The following LARP6 variants were observed in gnomAD, a reference collection of about 807,000 sequenced individuals.
The protein encoded by LARP6 is La ribonucleoprotein 6, translational regulator.
LARP6 carries 18 observed loss-of-function variants against 32.8 expected under a neutral mutation model. That is an observed-to-expected ratio of 0.55 (90% CI 0.38 to 0.81). The LOEUF is 0.81. Ranked by LOEUF, LARP6 falls within the 40% of genes least tolerant of loss-of-function variation. The pLI, the probability that LARP6 is intolerant of heterozygous loss-of-function variation, is 0.00. For missense variants in LARP6, 598 were observed against 663.1 expected, an observed-to-expected ratio of 0.90 and a Z score of 1.08; for synonymous variants, 289 against 267.2, an observed-to-expected ratio of 1.08 and a Z score of -0.80.
chr15:70,833,242 AATC>A, intron 2 of LARP6, 126 bp from the exon 3 acceptor site: 2 of 732,846 alleles, frequency 2.7e-6, no homozygotes, highest in Non-Finnish European at 4.6e-6. Flanking sequence ...TAGTGTCTAG[AATC>A]ATACGTGGTA....
At position 70,836,275 on chromosome 15, in the gene LARP6, T is replaced by G; in HGVS notation, c.411+20A>C. ...ACAAACTTGAAATCCTTGAAGCAGC[T>G]TCTGAGAACCAAGCCTCACCTTTTT... On this transcript the variant is annotated intron_variant, in intron 2 of 2. Coordinates refer to ENST00000299213, the MANE Select transcript of LARP6 (RefSeq NM_018357.4). 2 of 1,607,480 alleles carry G rather than the reference T, an allele frequency of 1.2e-6. No individual in the cohort carries two copies. The highest frequency in any genetic ancestry group is 1.7e-6 in the Non-Finnish European group (2 of 1,174,134).
At chr15:70,853,690 C>A (rs1022609839) in intron 1 of LARP6, among the ~76,000 whole-genome samples, 199 bp downstream of exon 1, 1 of 152,108 alleles carries the variant, frequency 6.6e-6, no homozygotes, top group Admixed American at 6.5e-5. Context: ...GGTTGGGCGA[C>A]GAAGCTGCGG....
chr15:70,851,780 C>A (rs1437066955), intron 1 of LARP6: 3 of 1,608,882 alleles, frequency 1.9e-6, no homozygotes, highest in Non-Finnish European at 2.6e-6. Context: ...ATAAAATGTA[C>A]AGAGTACTAC....
intron 1 of LARP6, chr15:70,852,386 G>T: frequency 2.4e-6 from 1 of 419,066 alleles, no homozygotes; most frequent in Non-Finnish European, 4.8e-6. Context: ...ACTGAGGCTT[G>T]GTTTCTCCTA....
At position 70,853,981 on chromosome 15, in the gene LARP6, C is replaced by G; in HGVS notation, c.108G>C (p.Glu36Asp). 1.4e-6 allele frequency: 2 copies of G among 1,462,394 alleles called. No individual in the cohort carries two copies. The highest frequency in any genetic ancestry group is 1.8e-6 in the Non-Finnish European group (2 of 1,101,942). 90.6% of individuals were successfully genotyped at this position (1,462,394 alleles called of 1,614,324 possible). ...EDVDELEDEE[E>D]GAETRGAGDP... is the part of the protein sequence containing the mutation. The stretch of plus-strand genomic sequence containing the variant: ...CCCCGGCGCCCCGAGTCTCCGCCCC[C>G]TCCTCCTCGTCCTCCAACTCGTCCA... The change falls in exon 1 of 3, where the codon GAG becomes GAC. Residue 36 changes from glutamate (E) to aspartate (D), a missense_variant. By Grantham distance (45) the Glu-to-Asp change is conservative. Coordinates refer to ENST00000299213, the MANE Select transcript of LARP6 (RefSeq NM_018357.4).
intron 1 of LARP6, among the ~76,000 whole-genome samples, chr15:70,842,441 A>G (rs1483547290): frequency 6.6e-6 from 1 of 152,126 alleles, no homozygotes; most frequent in Non-Finnish European, 1.5e-5. Flanking sequence ...CTATAAGCTC[A>G]TCAAATTCAA....
chr15:70,851,116 T>G (rs1169493728), intron 1 of LARP6, among the ~76,000 whole-genome samples: 1 of 152,214 alleles, frequency 6.6e-6, no homozygotes, highest in African/African-American at 2.4e-5. Context: ...GAATGATAGT[T>G]AATTTTCTCA....
At chr15:70,850,273 T>C (rs1228329260) in intron 1 of LARP6, among the ~76,000 whole-genome samples, 1 of 152,226 alleles carries the variant, frequency 6.6e-6, no homozygotes, top group East Asian at 1.9e-4. Context: ...TGAATTCTAC[T>C]AAACATTTAA....
Position 70,832,802 on chromosome 15 carries a change from G to A in LARP6, c.726C>T (p.Asp242=). The A allele has an allele frequency of 6.2e-7, 1 of 1,612,326 alleles. No homozygotes were observed. Among genetic ancestry groups the A allele is most frequent in the Non-Finnish European group, 8.5e-7 (1 of 1,179,350 alleles). The change falls in exon 3 of 3, where the codon GAC becomes GAT. Residue 242 remains aspartate (D), a synonymous_variant. Coordinates refer to ENST00000299213, the MANE Select transcript of LARP6 (RefSeq NM_018357.4). ...TGTAGCGGCTGCTGATCCTCCGGATGTCAGGGGGCAGCTCTCTCCCAGGTT... is the reference window on the plus strand; with the variant it reads ...TGTAGCGGCTGCTGATCCTCCGGATATCAGGGGGCAGCTCTCTCCCAGGTT... ...ILKPGRELPP[D]IRRISSRYSQ... is the part of the protein sequence containing the mutation.
intron 1 of LARP6, chr15:70,853,204 AC>A (rs2032525529): frequency 7.0e-6 from 1 of 143,094 alleles, no homozygotes; most frequent in Admixed American, 7.0e-5. Context: ...ACTACCCAAA[AC>A]CCAGGAACAC....
chr15:70,835,494 C>T (rs1305853973), intron 2 of LARP6, among the ~76,000 whole-genome samples: 1 of 152,190 alleles, frequency 6.6e-6, no homozygotes, highest in Non-Finnish European at 1.5e-5. Flanking sequence ...CAGAGTACAC[C>T]AGTGGGTGAG....
rs2031996785 is a variant in LARP6 at position 70,829,165 on chromosome 15, G to C, written c.*2887C>G. 6.6e-6 allele frequency: 1 copy of C among 151,714 alleles called. No homozygotes were observed. The highest frequency in any genetic ancestry group is 1.5e-5 in the Non-Finnish European group (1 of 67,992). The allele number at this position is 151,714 out of a possible 1,614,324, so 9.4% of individuals were successfully genotyped here. ...TTTATTTTTATTTTTTTGAGATGGA[G>C]TCTCATTCTGTTGCCCAGGCTGGAA... On this transcript the variant is annotated 3_prime_UTR_variant, in exon 3 of 3. Transcript: ENST00000299213.
At chr15:70,851,859 C>T (rs763096954) in intron 1 of LARP6, 43 of 1,414,018 alleles carry the variant, frequency 3.0e-5, no homozygotes, top group Admixed American at 2.3e-4. Flanking sequence ...GAAGAGGCAG[C>T]GAAGTTTTAA....
intron 1 of LARP6, among the ~76,000 whole-genome samples, chr15:70,837,372 G>C (rs2032166632): frequency 6.6e-6 from 1 of 152,120 alleles, no homozygotes; most frequent in Non-Finnish European, 1.5e-5. Context: ...GACACAGTGA[G>C]ACCCTGTCTC....
At chr15:70,850,734 G>C (rs1048660822) in intron 1 of LARP6, among the ~76,000 whole-genome samples, 3 of 152,160 alleles carry the variant, frequency 2.0e-5, no homozygotes, top group African/African-American at 7.2e-5. Context: ...AGAGTATGAG[G>C]CATTCTTGAC....
At chr15:70,837,304 A>G (rs930338810) in intron 1 of LARP6, among the ~76,000 whole-genome samples, 1 of 151,876 alleles carries the variant, frequency 6.6e-6, no homozygotes, top group Admixed American at 6.6e-5. Context: ...GAGAGCTTGA[A>G]CCCGGGAGGT....
chr15:70,833,611 C>T (rs762461617), intron 2 of LARP6, among the ~76,000 whole-genome samples: 1 of 152,216 alleles, frequency 6.6e-6, no homozygotes, highest in African/African-American at 2.4e-5. Context: ...CATACAAACT[C>T]ATTTACACAT....
At chr15:70,851,830 G>T in intron 1 of LARP6, 1 of 1,542,014 alleles carries the variant, frequency 6.5e-7, no homozygotes, top group Non-Finnish European at 8.8e-7. Flanking sequence ...GCTCTGGGGT[G>T]GGGATTGGGG....
At chr15:70,851,403 G>A in intron 1 of LARP6, 1 of 1,133,518 alleles carries the variant, frequency 8.8e-7, no homozygotes, top group Non-Finnish European at 1.1e-6. Context: ...TAATGAAGGA[G>A]ATGTGGGGAG....
Sources: gnomAD v4.1 joint callset for allele counts (sites outside exome capture counted in the v4.1 genomes callset) on GRCh38, gnomAD v4.1.1 for gene constraint, MANE v1.5 for transcripts, NCBI Gene and HGNC (gene_info 2026-07-23, HGNC 2026-07-21) for gene names.